PTPRS: variants seen among roughly 807,000 people sequenced by gnomAD.
The protein encoded by PTPRS is receptor-type tyrosine-protein phosphatase S.
In PTPRS, 63 loss-of-function variants were observed where a neutral mutation model predicts 215.3. The ratio of observed to expected loss-of-function variants is 0.29; its 90% confidence interval spans 0.24 to 0.36. The LOEUF (loss-of-function observed/expected upper bound fraction) is 0.36, where lower values mean the gene tolerates loss of function less well. PTPRS is among the 10% of genes least tolerant of loss of function. The pLI, the probability that PTPRS is intolerant of heterozygous loss-of-function variation, is 1.00. For synonymous variants in PTPRS, 1,404 were observed against 1,191.4 expected, an observed-to-expected ratio of 1.18 and a Z score of -3.68; for missense variants, 2,258 against 2,825.8, an observed-to-expected ratio of 0.80 and a Z score of 4.56.
chr19:5,220,252 G>GC lies in PTPRS; in HGVS notation c.3549+7dup, dbSNP rs780122692. On this transcript the variant is annotated splice_region_variant and intron_variant, in intron 21 of 37. Transcript: ENST00000262963. ...CTGGGCCCTGCGGGTTGGGCCCCAG[G>GC]CCCTCACCTCTTCCAGATCCATGTC... 1 of 1,613,450 alleles carries GC rather than the reference G, an allele frequency of 6.2e-7. No individual in the cohort carries two copies. The highest frequency in any genetic ancestry group is 1.1e-5 in the South Asian group (1 of 91,012).
intron 1 of PTPRS, among the ~76,000 whole-genome samples, chr19:5,309,577 A>G (rs189219791): frequency 0.011 from 1,691 of 151,974 alleles, 16 homozygotes; most frequent in Non-Finnish European, 0.02. Context: ...CTTCCTGGGA[A>G]CCTCCGCAGG....
intron 3 of PTPRS, 115 bp from the exon 4 acceptor site, chr19:5,273,698 G>C: frequency 7.8e-7 from 1 of 1,281,764 alleles, no homozygotes; most frequent in African/African-American, 1.5e-5. Context: ...ATGATCCTGG[G>C]GGTGACTGGG....
At position 5,339,286 on chromosome 19, in the gene PTPRS, G is replaced by C. The variant is rs934723097; in HGVS notation, c.-95+1378C>G. On this transcript the variant is annotated intron_variant, in intron 1 of 37. Coordinates refer to ENST00000262963, the MANE Select transcript of PTPRS (RefSeq NM_002850.4). This position sits in a 1 kb window ranked among gnomAD's most constrained non-coding sequence, Gnocchi z 4.2. ...GAGGTTTGTTAATTTGGGGGAATGA[G>C]GTCCCAGGAGGTGGCTGGATTTGAG... Among the ~76,000 whole-genome samples the C allele has an allele frequency of 1.3e-5, 2 of 152,118 alleles. No individual in the cohort carries two copies. The highest frequency in any genetic ancestry group is 1.5e-5 in the Non-Finnish European group (1 of 68,022).
chr19:5,299,574 T>C (rs1470370510), intron 1 of PTPRS, among the ~76,000 whole-genome samples: 2 of 152,184 alleles, frequency 1.3e-5, no homozygotes, highest in African/African-American at 4.8e-5. Flanking sequence ...AGTTATCAAA[T>C]ACAAGAACCA....
intron 31 of PTPRS, 33 bp downstream of exon 31, chr19:5,212,304 G>A (rs1315551610): frequency 1.9e-6 from 3 of 1,609,914 alleles, no homozygotes; most frequent in Middle Eastern, 1.6e-4. Flanking sequence ...GGGACCGGGG[G>A]GAAGCGGATG....
At chr19:5,251,173 G>C (rs1489497628) in intron 9 of PTPRS, among the ~76,000 whole-genome samples, 1 of 152,034 alleles carries the variant, frequency 6.6e-6, no homozygotes, top group Admixed American at 6.5e-5. Context: ...CCTCTCCTTT[G>C]AACTCCAGCC....
chr19:5,222,956 C>T lies in PTPRS; in HGVS notation c.2836G>A (p.Val946Ile), dbSNP rs778392508. The change falls in exon 18 of 38, where the codon GTC becomes ATC. Residue 946 changes from valine to isoleucine, a missense_variant. Val to Ile is a conservative substitution (Grantham distance 29). This residue lies in a region of PTPRS where 361 missense variants were observed against 332.6 expected (regional missense o/e 1.09). Transcript: ENST00000262963. ...EAAGNASAGT[V>I]LLRWLPPVPA... is the part of the protein sequence containing the mutation. ...ACGGGTGGCAGCCAGCGGAGAAGGA[C>T]GGTCCCGGCCGAGGCGTTGCCGGCC... 47 of 1,545,880 alleles carry T rather than the reference C, an allele frequency of 3.0e-5. No homozygotes were observed. The highest frequency in any genetic ancestry group is 7.0e-5 in the South Asian group (6 of 85,252).
intron 1 of PTPRS, among the ~76,000 whole-genome samples, chr19:5,291,787 T>C (rs894256409): frequency 7.2e-5 from 11 of 151,902 alleles, no homozygotes; most frequent in Non-Finnish European, 5.9e-5. Context: ...AAACCCTCCA[T>C]GGCTCCCATC....
rs2230610 is a variant in PTPRS, at chr19:5,222,820, G to A, written c.2972C>T (p.Ala991Val). The part of the protein sequence containing the change: ...TELPAAAEPG[A>V]ENALTLQGLK... The stretch of plus-strand genomic sequence containing the variant: ...GCCCTGCAGCGTGAGCGCGTTCTCC[G>A]CGCCCGGCTCAGCCGCTGCCGGCAG... The change falls in exon 18 of 38, where the codon GCG becomes GTG. Residue 991 changes from alanine to valine, a missense_variant. Physicochemically the swap from Ala to Val is moderately conservative, Grantham distance 64. This residue lies in a region of PTPRS where 361 missense variants were observed against 332.6 expected (regional missense o/e 1.09). Coordinates refer to ENST00000262963, the MANE Select transcript of PTPRS (RefSeq NM_002850.4). 0.025 allele frequency: 40,490 copies of A among 1,596,004 alleles called. 612 individuals are homozygous for A. The highest frequency in any genetic ancestry group is 0.031 in the Non-Finnish European group (36,439 of 1,177,432).
intron 9 of PTPRS, among the ~76,000 whole-genome samples, chr19:5,247,405 T>G (rs1189619388): frequency 1.3e-5 from 2 of 151,904 alleles, no homozygotes; most frequent in Non-Finnish European, 2.9e-5. Flanking sequence ...AGGAGGCCAG[T>G]GGGCACCTGA....
intron 13 of PTPRS, among the ~76,000 whole-genome samples, chr19:5,235,824 C>T (rs973144880): frequency 7.9e-5 from 12 of 152,138 alleles, no homozygotes; most frequent in Non-Finnish European, 1.5e-4. Context: ...TGAGAGTTCC[C>T]GCATATTAAA....
chr19:5,329,438 A>C (rs1374092676), intron 1 of PTPRS, among the ~76,000 whole-genome samples: 1 of 152,208 alleles, frequency 6.6e-6, no homozygotes, highest in Non-Finnish European at 1.5e-5. Context: ...TGCAGCCCCC[A>C]GTGCAAAATG....
At position 5,287,970 on chromosome 19, in the gene PTPRS, A is replaced by AGG. The variant is rs2048498213; in HGVS notation, c.-94-1737_-94-1736insCC. Among the ~76,000 whole-genome samples, 1 of 28,214 alleles carries AGG rather than the reference A, an allele frequency of 3.5e-5. No homozygotes were observed. Among genetic ancestry groups the AGG allele is most frequent in the South Asian group, 7.7e-4 (1 of 1,306 alleles). The allele number at this position is 28,214 out of a possible 152,430, so 18.5% of individuals were successfully genotyped here. ...AGTCAGGCAGCAGAGACGGGCACACACACACACACACACACACACACACAC... is the reference window on the plus strand; with the variant it reads ...AGTCAGGCAGCAGAGACGGGCACACAGGCACACACACACACACACACACACAC... On this transcript the variant is annotated intron_variant, in intron 1 of 37. Transcript: ENST00000262963. The surrounding 1 kb of genome is among the most constrained non-coding windows in gnomAD (Gnocchi z 4.8).
Position 5,206,271 on chromosome 19 carries a change from A to G in PTPRS, c.*503T>C. The G allele has an allele frequency of 4.3e-6, 1 of 230,000 alleles. No individual in the cohort carries two copies. The highest frequency in any genetic ancestry group is 6.2e-5 in the East Asian group (1 of 16,112). The allele number at this position is 230,000 out of a possible 1,614,324, so 14.2% of individuals were successfully genotyped here. A position where few individuals can be genotyped will look rare whatever the true frequency, so the allele number is the denominator to read the frequency against. Reference sequence around the variant, plus strand: ...CTCTTAAAAAAAAAAATGGAAAAAAAAATACACTATTTAAAAAAAATGAAA... The same window carrying G: ...CTCTTAAAAAAAAAAATGGAAAAAAGAATACACTATTTAAAAAAAATGAAA... On this transcript the variant is annotated 3_prime_UTR_variant, in exon 38 of 38. Coordinates refer to ENST00000262963, the MANE Select transcript of PTPRS (RefSeq NM_002850.4).
At chr19:5,225,160 G>C (rs762713134) in intron 17 of PTPRS, among the ~76,000 whole-genome samples, 1 of 152,158 alleles carries the variant, frequency 6.6e-6, no homozygotes, top group Non-Finnish European at 1.5e-5. Context: ...ACAATGGAGG[G>C]GCTAGAAGGG....
chr19:5,237,411 G>A lies in PTPRS; in HGVS notation c.1849+1508C>T, dbSNP rs961294315. Among the ~76,000 whole-genome samples the A allele has an allele frequency of 2.0e-5, 3 of 152,242 alleles. No individual in the cohort carries two copies. Among genetic ancestry groups the A allele is most frequent in the Non-Finnish European group, 4.4e-5 (3 of 68,040 alleles). ...CAACTCCCTGTCCTGGGCCGCCCCG[G>A]AGGTTCGCGTGGCTGGGCCGAAGCC... On this transcript the variant is annotated intron_variant, in intron 13 of 37. Transcript: ENST00000262963. This position sits in a 1 kb window ranked among gnomAD's most constrained non-coding sequence, Gnocchi z 4.2.
At chr19:5,230,291 G>A (rs1301067174) in intron 14 of PTPRS, among the ~76,000 whole-genome samples, 1 of 152,180 alleles carries the variant, frequency 6.6e-6, no homozygotes, top group East Asian at 1.9e-4. Flanking sequence ...AGGTTCCCAG[G>A]ACCAAGAGGC....
At chr19:5,220,731 C>A (rs2041907528) in intron 20 of PTPRS, among the ~76,000 whole-genome samples, 2 of 152,154 alleles carry the variant, frequency 1.3e-5, no homozygotes, top group South Asian at 4.1e-4. Flanking sequence ...AAGCCCAGAA[C>A]CAAATCCTTT....
intron 16 of PTPRS, among the ~76,000 whole-genome samples, chr19:5,227,878 CACA>C (rs1352383478): frequency 1.3e-5 from 2 of 152,146 alleles, no homozygotes; most frequent in African/African-American, 4.8e-5. Flanking sequence ...CGCGGACTTG[CACA>C]ACACCTGTGC....
Sources: allele counts gnomAD v4.1 joint callset (sites outside exome capture counted in the v4.1 genomes callset), GRCh38; gene constraint gnomAD v4.1.1; regional missense constraint gnomAD v4.1.1; non-coding constraint Gnocchi (gnomAD v3.1); transcripts MANE v1.5; gene names NCBI Gene and HGNC (gene_info 2026-07-23, HGNC 2026-07-21).